MRPS35: variants seen among roughly 807,000 people sequenced by gnomAD.
MRPS35 encodes mitochondrial ribosomal protein S35, also known as small ribosomal subunit protein mS35.
A neutral mutation model predicts 32.7 loss-of-function variants in MRPS35; 29 were observed. The ratio of observed to expected loss-of-function variants is 0.89; its 90% CI spans 0.66 to 1.21. The LOEUF (loss-of-function observed/expected upper bound fraction) is 1.21. Ranked by LOEUF, MRPS35 falls within the 50% of genes most tolerant of loss-of-function variation. MRPS35 has a pLI of 0.00. For missense variants in MRPS35, 373 were observed against 383.8 expected, an observed-to-expected ratio of 0.97 and a Z score of 0.23; for synonymous variants, 148 against 139.3, an observed-to-expected ratio of 1.06 and a Z score of -0.44.
rs554928027 is a variant in MRPS35, at chr12:27,720,597, C to G, written c.382+729C>G. On this transcript the variant is annotated intron_variant, in intron 4 of 7. Transcript: ENST00000081029. ...TATGTGCTTTCTTTACCATCCCCAG[C>G]CCCTCATTTATTTATGTATATATGC... 2.1e-4 allele frequency among the ~76,000 whole-genome samples: 32 copies of G among 151,732 alleles called. No homozygotes were observed. In the South Asian group the frequency reaches 6.5e-3, roughly 31 times the overall value.
intron 7 of MRPS35, among the ~76,000 whole-genome samples, chr12:27,741,123 G>A (rs2061963352): frequency 1.3e-5 from 2 of 151,648 alleles, no homozygotes; most frequent in Admixed American, 6.6e-5. Flanking sequence ...AGCCAAGATC[G>A]CACCACTGCA....
intron 7 of MRPS35, among the ~76,000 whole-genome samples, chr12:27,738,734 A>G (rs1458647891): frequency 2.0e-5 from 3 of 152,192 alleles, no homozygotes; most frequent in Non-Finnish European, 4.4e-5. Flanking sequence ...GTTCTTTAGA[A>G]AGGACTTCAT....
chr12:27,755,467 AT>A lies in MRPS35; in HGVS notation c.*18del. Reference sequence around the variant, plus strand: ...GTGACATGAATTATGGAGTAGAAAAATCTGCTTGATTTATTAATTTTATGAT... The same window carrying A: ...GTGACATGAATTATGGAGTAGAAAAACTGCTTGATTTATTAATTTTATGAT... On this transcript the variant is annotated 3_prime_UTR_variant, in exon 8 of 8. Coordinates refer to ENST00000081029, the MANE Select transcript of MRPS35 (RefSeq NM_021821.4). 1 of 1,511,726 alleles carries A rather than the reference AT, an allele frequency of 6.6e-7. No homozygotes were observed. The highest frequency in any genetic ancestry group is 2.4e-4 in the Middle Eastern group (1 of 4,210). The allele number at this position is 1,511,726 out of a possible 1,614,324, so 93.6% of individuals were successfully genotyped here.
chr12:27,744,116 C>G (rs1316963654), intron 7 of MRPS35, among the ~76,000 whole-genome samples: 1 of 152,176 alleles, frequency 6.6e-6, no homozygotes, highest in Non-Finnish European at 1.5e-5. Flanking sequence ...GTTATTATGT[C>G]TTATTTTAAT....
At chr12:27,749,587 A>G (rs548726184) in intron 7 of MRPS35, among the ~76,000 whole-genome samples, 15 of 152,248 alleles carry the variant, frequency 9.9e-5, no homozygotes, top group Non-Finnish European at 2.1e-4. Flanking sequence ...ACTGCTTCAT[A>G]GTGGTGGTGG....
chr12:27,727,441 A>G (rs2061904872), intron 5 of MRPS35, among the ~76,000 whole-genome samples: 2 of 152,150 alleles, frequency 1.3e-5, no homozygotes, highest in African/African-American at 4.8e-5. Flanking sequence ...CAGTTGTTAC[A>G]GTATTTAACA....
chr12:27,735,186 T>G (rs2061938174), intron 5 of MRPS35, among the ~76,000 whole-genome samples: 1 of 152,212 alleles, frequency 6.6e-6, no homozygotes, highest in Non-Finnish European at 1.5e-5. Context: ...ATTTAACAGA[T>G]ATGTCGTTAG....
chr12:27,724,224 T>G, intron 5 of MRPS35, 38 bp downstream of exon 5: 5 of 1,494,914 alleles, frequency 3.3e-6, no homozygotes, highest in Non-Finnish European at 4.5e-6. Context: ...TAAATAAGAA[T>G]CATTCTAATA....
chr12:27,714,681 C>A, intron 1 of MRPS35, 99 bp from the exon 2 acceptor site: 9 of 833,420 alleles, frequency 1.1e-5, no homozygotes, highest in East Asian at 2.9e-5. Flanking sequence ...TACTAAATAC[C>A]TTAAATTGTG....
intron 7 of MRPS35, among the ~76,000 whole-genome samples, 184 bp from the exon 8 acceptor site, chr12:27,754,997 G>C (rs986284101): frequency 6.6e-6 from 1 of 151,828 alleles, no homozygotes; most frequent in African/African-American, 2.4e-5. Flanking sequence ...GTGGCTAACA[G>C]TACAGGGTTA....
chr12:27,745,502 A>G (rs922322877), intron 7 of MRPS35, among the ~76,000 whole-genome samples: 3 of 152,178 alleles, frequency 2.0e-5, no homozygotes, highest in Non-Finnish European at 4.4e-5. Context: ...CAACTGACTA[A>G]TTGAAAATTC....
chr12:27,713,949 C>T (rs898559606), intron 1 of MRPS35, among the ~76,000 whole-genome samples: 5 of 151,682 alleles, frequency 3.3e-5, no homozygotes, highest in Non-Finnish European at 1.5e-5. Context: ...GTGCTCATGT[C>T]TTTAGTCCTA....
rs79684129 is a variant in MRPS35, at chr12:27,752,684, G to C, written c.703-2497G>C. On this transcript the variant is annotated intron_variant, in intron 7 of 7. Transcript: ENST00000081029. ...TTTAAAACATTTCTAAGAGTAGATA[G>C]AACCAATAATGTAATTAATTTAGGA... Among the ~76,000 whole-genome samples, 1,241 of 152,308 alleles carry C rather than the reference G, an allele frequency of 8.1e-3. 12 individuals are homozygous for C. Among genetic ancestry groups the C allele is most frequent in the African/African-American group, 0.029 (1,206 of 41,568 alleles).
chr12:27,731,353 T>C (rs2061921456), intron 5 of MRPS35, among the ~76,000 whole-genome samples: 2 of 152,200 alleles, frequency 1.3e-5, no homozygotes, highest in Non-Finnish European at 2.9e-5. Context: ...ACTTTTATAC[T>C]CTGTGTAGCC....
At chr12:27,745,362 A>G (rs762381244) in intron 7 of MRPS35, among the ~76,000 whole-genome samples, 9 of 152,192 alleles carry the variant, frequency 5.9e-5, no homozygotes, top group Non-Finnish European at 1.2e-4. Context: ...CTGCAGCTTC[A>G]GTGTATCATA....
Position 27,755,247 on chromosome 12 carries a change from T to G in MRPS35, c.769T>G (p.Ser257Ala). The part of the protein sequence containing the change: ...DMEEYIWENS[S>A]SERNILETLL... ...GGAAGAGTATATATGGGAAAATAGC[T>G]CATCAGAAAGAAATATCCTGGAAAC... is the stretch of plus-strand genomic sequence containing the variant. The change falls in exon 8 of 8, where the codon TCA becomes GCA. Residue 257 changes from serine to alanine, a missense_variant. Ser to Ala is a moderately conservative substitution (Grantham distance 99). Coordinates refer to ENST00000081029, the MANE Select transcript of MRPS35 (RefSeq NM_021821.4). The G allele has an allele frequency of 6.2e-7, 1 of 1,610,696 alleles. No individual in the cohort carries two copies. The highest frequency in any genetic ancestry group is 8.5e-7 in the Non-Finnish European group (1 of 1,179,368).
chr12:27,737,567 T>C lies in MRPS35; in HGVS notation c.661T>C (p.Tyr221His), dbSNP rs1476934766. ...CCCTTTAAGGAGGCAGAATTACGAT[T>C]ATGCAGTGTATCTACTAACAGTGTT... ...RCPLRRQNYD[Y>H]AVYLLTVLYH... The change falls in exon 7 of 8, where the codon TAT becomes CAT. Residue 221 changes from tyrosine (Y) to histidine (H), a missense_variant. Coordinates refer to ENST00000081029, the MANE Select transcript of MRPS35 (RefSeq NM_021821.4). 6.2e-7 allele frequency: 1 copy of C among 1,612,262 alleles called. No individual in the cohort carries two copies. Among genetic ancestry groups the C allele is most frequent in the Admixed American group, 1.7e-5 (1 of 60,002 alleles).
At chr12:27,747,546 G>A (rs1336764028) in intron 7 of MRPS35, among the ~76,000 whole-genome samples, 4 of 152,038 alleles carry the variant, frequency 2.6e-5, no homozygotes, top group Non-Finnish European at 4.4e-5. Flanking sequence ...TTGCCTCTTC[G>A]TATTTTTTAT....
intron 3 of MRPS35, among the ~76,000 whole-genome samples, chr12:27,717,549 A>T (rs2061855734): frequency 6.6e-6 from 1 of 152,240 alleles, no homozygotes; most frequent in Admixed American, 6.5e-5. Context: ...AGTCTTTGAA[A>T]AACAAAAGTT....
Sources: gnomAD v4.1 joint callset for allele counts (sites outside exome capture counted in the v4.1 genomes callset) on GRCh38, gnomAD v4.1.1 for gene constraint, MANE v1.5 for transcripts, NCBI Gene and HGNC (gene_info 2026-07-23, HGNC 2026-07-21) for gene names.